The following NF1 variants were observed in gnomAD, a reference collection of about 807,000 sequenced individuals.
NF1 encodes neurofibromin.
In NF1, 122 loss-of-function variants were observed where a neutral mutation model predicts 325.7. The observed-to-expected ratio is 0.37, with a 90% CI of 0.32 to 0.44. The LOEUF is 0.44. NF1 is among the 20% of genes least tolerant of loss of function. The pLI, the probability that NF1 is intolerant of heterozygous loss-of-function variation, is 1.00. For synonymous variants in NF1, 1,091 were observed against 1,186.0 expected, an observed-to-expected ratio of 0.92 and a Z score of 1.65; for missense variants, 2,140 against 3,415.4, an observed-to-expected ratio of 0.63 and a Z score of 9.31.
chr17:31,210,332 C>G (rs939635497), intron 12 of NF1, among the ~76,000 whole-genome samples: 1 of 152,140 alleles, frequency 6.6e-6, no homozygotes, highest in Non-Finnish European at 1.5e-5. Flanking sequence ...CCTATAATAC[C>G]AGCACTTAGG....
intron 29 of NF1, 140 bp from the exon 30 acceptor site, chr17:31,248,843 TA>T: frequency 9.0e-6 from 7 of 776,626 alleles, no homozygotes; most frequent in Middle Eastern, 3.4e-4. Context: ...TTTTTTTTTT[TA>T]TAGTTGGTTG....
intron 1 of NF1, among the ~76,000 whole-genome samples, chr17:31,121,802 G>A (rs1303456536): frequency 1.3e-5 from 2 of 152,116 alleles, no homozygotes; most frequent in African/African-American, 2.4e-5. Context: ...TAAGCTTTTT[G>A]GTGTACTGCT....
At chr17:31,214,182 C>A (rs950745329) in intron 12 of NF1, among the ~76,000 whole-genome samples, 1 of 151,748 alleles carries the variant, frequency 6.6e-6, no homozygotes, top group African/African-American at 2.4e-5. Flanking sequence ...CAACCTGATA[C>A]TAAGCTTTTA....
intron 36 of NF1, among the ~76,000 whole-genome samples, chr17:31,280,557 G>T (rs556055215): frequency 6.7e-6 from 1 of 149,518 alleles, no homozygotes; most frequent in South Asian, 2.1e-4. Flanking sequence ...ATCATACTTA[G>T]CCTGGAGGCC....
intron 1 of NF1, among the ~76,000 whole-genome samples, chr17:31,121,982 G>C (rs768191316): frequency 6.6e-6 from 1 of 152,138 alleles, no homozygotes; most frequent in Non-Finnish European, 1.5e-5. Flanking sequence ...GTTCTTGCTT[G>C]GTTATAATAG....
chr17:31,287,335 C>T (rs1424132828), intron 36 of NF1, among the ~76,000 whole-genome samples: 1 of 152,180 alleles, frequency 6.6e-6, no homozygotes, highest in Non-Finnish European at 1.5e-5. Context: ...AGTATATGTT[C>T]TTAACCATAT....
chr17:31,317,386 C>A (rs1007915350), intron 36 of NF1, among the ~76,000 whole-genome samples: 2 of 151,490 alleles, frequency 1.3e-5, no homozygotes, highest in African/African-American at 2.4e-5. Context: ...CACACACACA[C>A]ACACACACAC....
At chr17:31,243,190 G>C (rs1360558358) in intron 29 of NF1, among the ~76,000 whole-genome samples, 2 of 151,162 alleles carry the variant, frequency 1.3e-5, no homozygotes, top group Non-Finnish European at 3.0e-5. Context: ...CTGTCTGTGT[G>C]TGTGTGTGTG....
At chr17:31,368,239 C>T (rs899173692) in intron 57 of NF1, among the ~76,000 whole-genome samples, 98 of 152,122 alleles carry the variant, frequency 6.4e-4, no homozygotes, top group African/African-American at 2.2e-3. Flanking sequence ...CCAGTTCAAG[C>T]GATTCTCCTG....
chr17:31,257,382 G>T (rs530492847), intron 31 of NF1, among the ~76,000 whole-genome samples: 8 of 152,106 alleles, frequency 5.3e-5, no homozygotes, highest in Admixed American at 5.2e-4. Flanking sequence ...AACATATATA[G>T]TATATATAAA....
intron 36 of NF1, among the ~76,000 whole-genome samples, chr17:31,297,861 A>G (rs2068498828): frequency 6.6e-6 from 1 of 152,042 alleles, no homozygotes; most frequent in African/African-American, 2.4e-5. Flanking sequence ...TTTTTTCTTT[A>G]TCTTTCTGAT....
At chr17:31,109,524 C>CAA (rs1379972315) in intron 1 of NF1, among the ~76,000 whole-genome samples, 1 of 151,978 alleles carries the variant, frequency 6.6e-6, no homozygotes, top group African/African-American at 2.4e-5. Context: ...GCTGGGATTA[C>CAA]AGGCACCTGT....
chr17:31,212,468 G>A (rs536501462), intron 12 of NF1, among the ~76,000 whole-genome samples: 1 of 152,284 alleles, frequency 6.6e-6, no homozygotes, highest in Non-Finnish European at 1.5e-5. Flanking sequence ...CAGCACTTTG[G>A]GAGGCCAAGG....
intron 1 of NF1, among the ~76,000 whole-genome samples, chr17:31,098,123 AAAAT>A (rs1251021725): frequency 2.0e-5 from 3 of 148,270 alleles, no homozygotes; most frequent in African/African-American, 4.9e-5. Flanking sequence ...GTATATATAT[AAAAT>A]AAATTAATAT....
intron 36 of NF1, among the ~76,000 whole-genome samples, chr17:31,268,576 A>G (rs1053414896): frequency 9.3e-5 from 14 of 150,712 alleles, no homozygotes; most frequent in Non-Finnish European, 1.8e-4. Flanking sequence ...GCAGTGAACC[A>G]AGATTGCACC....
chr17:31,370,511 C>A (rs1434896727), intron 57 of NF1, among the ~76,000 whole-genome samples: 4 of 151,984 alleles, frequency 2.6e-5, no homozygotes, highest in Non-Finnish European at 5.9e-5. Context: ...ATAAATAAGG[C>A]CTTTAAAATT....
chr17:31,345,420 G>C lies in NF1; in HGVS notation c.7189+2285G>C, dbSNP rs991448568. On this transcript the variant is annotated intron_variant, in intron 48 of 57. Transcript: ENST00000358273. The stretch of plus-strand genomic sequence containing the variant: ...CCGGCGAGTCCCAGTGAGAGCGGAG[G>C]GTGCCAGAGGTAGGGGGCCGAGAAA... 4 of 1,256,116 alleles carry C rather than the reference G, an allele frequency of 3.2e-6. No individual in the cohort carries two copies. In the South Asian group the frequency reaches 4.7e-5, roughly 15 times the overall value. 77.8% of individuals were successfully genotyped at this position (1,256,116 alleles called of 1,614,324 possible). A position where few individuals can be genotyped will look rare whatever the true frequency, so the allele number is the denominator to read the frequency against.
At chr17:31,146,913 G>A (rs1281489440) in intron 1 of NF1, among the ~76,000 whole-genome samples, 1 of 152,220 alleles carries the variant, frequency 6.6e-6, no homozygotes, top group South Asian at 2.1e-4. Flanking sequence ...ATCCCTGAAG[G>A]GGCTGACTGA....
intron 36 of NF1, among the ~76,000 whole-genome samples, chr17:31,288,779 T>G (rs540914797): frequency 1.4e-4 from 21 of 152,274 alleles, no homozygotes; most frequent in Non-Finnish European, 2.9e-4. Context: ...TCCACCCACC[T>G]TGGCCTCCCA....
Sources: gnomAD v4.1 joint callset for allele counts (sites outside exome capture counted in the v4.1 genomes callset) on GRCh38, gnomAD v4.1.1 for gene constraint, MANE v1.5 for transcripts, NCBI Gene and HGNC (gene_info 2026-07-23, HGNC 2026-07-21) for gene names.